CRB1: variants seen among roughly 807,000 people sequenced by gnomAD.
CRB1 encodes protein crumbs homolog 1.
CRB1 carries 83 observed loss-of-function variants against 120.0 expected under a neutral mutation model. That is an observed-to-expected ratio of 0.69 (90% confidence interval 0.58 to 0.83). The LOEUF (loss-of-function observed/expected upper bound fraction) is 0.83. Among genes scored for constraint, CRB1 ranks in the 40% least tolerant of loss-of-function variants. CRB1 has a pLI of 0.00. For missense variants in CRB1, 1,699 were observed against 1,687.6 expected, an observed-to-expected ratio of 1.01 and a Z score of -0.12; for synonymous variants, 625 against 612.5, an observed-to-expected ratio of 1.02 and a Z score of -0.30.
intron 5 of CRB1, among the ~76,000 whole-genome samples, chr1:197,381,684 A>G (rs145851887): frequency 4.1e-4 from 63 of 152,364 alleles, no homozygotes; most frequent in African/African-American, 1.5e-3. Flanking sequence ...TCAATTTGAC[A>G]GATGACAGCA....
At chr1:197,351,852 C>CTAGA (rs1037679940) in intron 4 of CRB1, among the ~76,000 whole-genome samples, 7 of 152,030 alleles carry the variant, frequency 4.6e-5, no homozygotes, top group Non-Finnish European at 1.0e-4. Context: ...GTAATTTTGC[C>CTAGA]TAGATAGAAC....
At chr1:197,266,298 A>G (rs573440946), upstream of CRB1, among the ~76,000 whole-genome samples, 1 of 152,250 alleles carries the variant, frequency 6.6e-6, no homozygotes, top group Admixed American at 6.5e-5. Context: ...GGTAGCTGCC[A>G]AGGGCCTGTT....
rs755531579 is a variant in CRB1, at chr1:197,435,268, T to C, written c.3405T>C (p.Thr1135=). The C allele has an allele frequency of 6.2e-7, 1 of 1,613,908 alleles. No individual in the cohort carries two copies. The highest frequency in any genetic ancestry group is 1.7e-5 in the Admixed American group (1 of 59,956). The change falls in exon 9 of 12, where the codon ACT becomes ACC. Residue 1135 remains threonine (T), a synonymous_variant. Transcript: ENST00000367400. ...AAATCTCTACCAATTCAGTGGTCAC[T>C]GGCTGTTTGCAGTTAAATGTCTGCA... ...FLKISTNSVV[T]GCLQLNVCNS... is the part of the protein sequence containing the mutation.
chr1:197,257,482 G>A, the CRB1 span, among the ~76,000 whole-genome samples: 1 of 152,096 alleles, frequency 6.6e-6, no homozygotes, highest in Non-Finnish European at 1.5e-5. Context: ...TCATCTACTT[G>A]AATAGCTACT....
the CRB1 span, among the ~76,000 whole-genome samples, chr1:197,245,401 G>A: frequency 6.6e-6 from 1 of 152,064 alleles, no homozygotes; most frequent in African/African-American, 2.4e-5. Flanking sequence ...AGAGGCTGAG[G>A]TCGGAGGATC....
chr1:197,400,469 G>A (rs941529967), intron 5 of CRB1, among the ~76,000 whole-genome samples: 1 of 116,272 alleles, frequency 8.6e-6, no homozygotes, highest in Non-Finnish European at 2.0e-5. Flanking sequence ...AAGTAAAAGA[G>A]CATTTTTTTT....
chr1:197,248,710 C>G, the CRB1 span, among the ~76,000 whole-genome samples: 1 of 151,928 alleles, frequency 6.6e-6, no homozygotes, highest in Admixed American at 6.6e-5. Context: ...TGTCTACATA[C>G]TGGCCAGCTT....
chr1:197,292,799 A>G (rs1656270125), intron 1 of CRB1, among the ~76,000 whole-genome samples: 1 of 152,164 alleles, frequency 6.6e-6, no homozygotes, highest in African/African-American at 2.4e-5. Context: ...AACAGAACCA[A>G]AGACAAAAAC....
intron 1 of CRB1, among the ~76,000 whole-genome samples, chr1:197,285,635 C>T (rs1655782906): frequency 6.6e-6 from 1 of 151,832 alleles, no homozygotes; most frequent in African/African-American, 2.4e-5. Flanking sequence ...ATAGAAACAA[C>T]TCTTCTTGAG....
intron 9 of CRB1, among the ~76,000 whole-genome samples, chr1:197,436,697 T>G (rs1665177675): frequency 6.6e-6 from 1 of 152,188 alleles, no homozygotes; most frequent in African/African-American, 2.4e-5. Context: ...TGAAGTCATC[T>G]TCAATACTGT....
At chr1:197,460,472 A>G (rs1295989049) in intron 11 of CRB1, among the ~76,000 whole-genome samples, 10 of 152,130 alleles carry the variant, frequency 6.6e-5, no homozygotes, top group Admixed American at 5.9e-4. Context: ...GAAAGCTTGC[A>G]TCAGATGACC....
chr1:197,406,910 C>G (rs181939427), intron 5 of CRB1, among the ~76,000 whole-genome samples: 1 of 152,152 alleles, frequency 6.6e-6, no homozygotes, highest in Non-Finnish European at 1.5e-5. Flanking sequence ...GGTGCTTACT[C>G]CCATTTCACC....
chr1:197,414,711 G>T (rs1663881838), intron 5 of CRB1, among the ~76,000 whole-genome samples: 1 of 152,098 alleles, frequency 6.6e-6, no homozygotes, highest in Admixed American at 6.5e-5. Context: ...TGGCCCCAAT[G>T]GTCCCATAAA....
the CRB1 span, among the ~76,000 whole-genome samples, chr1:197,253,460 G>GT: frequency 6.6e-6 from 1 of 151,866 alleles, no homozygotes; most frequent in Non-Finnish European, 1.5e-5. Flanking sequence ...TTTGTTCATG[G>GT]TTGTTTATAC....
At chr1:197,425,678 T>G (rs776953382) in intron 6 of CRB1, among the ~76,000 whole-genome samples, 2 of 152,264 alleles carry the variant, frequency 1.3e-5, no homozygotes, top group South Asian at 4.1e-4. Context: ...CCTGAAAAAC[T>G]ATTTTCTCAC....
chr1:197,405,606 G>A (rs541229658), intron 5 of CRB1, among the ~76,000 whole-genome samples: 14 of 150,790 alleles, frequency 9.3e-5, no homozygotes, highest in African/African-American at 1.7e-4. Flanking sequence ...GTCTCTGCCC[G>A]GCCGCCATCC....
rs1429621939 is a variant in CRB1 at position 197,268,880 on chromosome 1, A to G, written c.70+398A>G. On this transcript the variant is annotated intron_variant, in intron 1 of 11. Transcript: ENST00000367400. The stretch of plus-strand genomic sequence containing the variant: ...ATTTCATTTTATTCCCACATACTAT[A>G]TATTTATCTTCACTTTTAAATAACT... 3.3e-5 allele frequency among the ~76,000 whole-genome samples: 5 copies of G among 152,202 alleles called. No homozygotes were observed. The South Asian group carries it at 8.3e-4, about 25-fold the overall frequency.
At chr1:197,355,892 C>T (rs1191472843) in intron 4 of CRB1, among the ~76,000 whole-genome samples, 1 of 152,206 alleles carries the variant, frequency 6.6e-6, no homozygotes, top group Non-Finnish European at 1.5e-5. Flanking sequence ...GAGTGGGTGC[C>T]CAGGCCCAGG....
chr1:197,323,206 A>G (rs887956342), intron 1 of CRB1, among the ~76,000 whole-genome samples: 38 of 152,272 alleles, frequency 2.5e-4, no homozygotes, highest in African/African-American at 8.7e-4. Flanking sequence ...TACAAATGTC[A>G]CTTTTTTAAC....
Sources: allele counts gnomAD v4.1 joint callset (sites outside exome capture counted in the v4.1 genomes callset), GRCh38; gene constraint gnomAD v4.1.1; transcripts MANE v1.5; gene names NCBI Gene and HGNC (gene_info 2026-07-23, HGNC 2026-07-21).